SGCZ: variants seen among roughly 807,000 people sequenced by gnomAD.
SGCZ encodes the protein sarcoglycan zeta, also known as zeta-sarcoglycan.
A neutral mutation model predicts 41.3 loss-of-function variants in SGCZ; 40 were observed. The observed-to-expected ratio is 0.97, with a 90% CI of 0.75 to 1.26. SGCZ has a LOEUF of 1.26. SGCZ is among the 50% of genes most tolerant of loss of function. The probability of loss-of-function intolerance (pLI) is 0.00; values close to 1 mark genes in which losing one functional copy is unlikely to be tolerated. For synonymous variants in SGCZ, 206 were observed against 137.5 expected, an observed-to-expected ratio of 1.50 and a Z score of -3.49; for missense variants, 552 against 369.8, an observed-to-expected ratio of 1.49 and a Z score of -4.04.
intron 1 of SGCZ, among the ~76,000 whole-genome samples, chr8:14,799,666 G>C (rs1490011638): frequency 6.6e-6 from 1 of 150,934 alleles, no homozygotes; most frequent in Non-Finnish European, 1.5e-5. Flanking sequence ...GAAGGAGGGA[G>C]CGGCAAGGGC....
At chr8:14,233,046 G>C (rs7829353) in intron 4 of SGCZ, among the ~76,000 whole-genome samples, 2,651 of 151,920 alleles carry the variant, frequency 0.017, 86 homozygotes, top group African/African-American at 0.06. Flanking sequence ...AAAGTCATTG[G>C]GACTAGAATT....
intron 1 of SGCZ, among the ~76,000 whole-genome samples, chr8:15,175,124 A>G (rs981492886): frequency 2.6e-5 from 4 of 152,158 alleles, no homozygotes; most frequent in Admixed American, 6.5e-5. Context: ...TAAAAATTAA[A>G]AATAAATTTA....
intron 1 of SGCZ, among the ~76,000 whole-genome samples, chr8:14,808,842 GA>G (rs1213672651): frequency 1.3e-5 from 2 of 151,562 alleles, no homozygotes; most frequent in Non-Finnish European, 2.9e-5. Flanking sequence ...AATGTCCAAC[GA>G]TGATAGACTG....
At chr8:15,026,758 A>G (rs996953531) in intron 1 of SGCZ, among the ~76,000 whole-genome samples, 5 of 152,168 alleles carry the variant, frequency 3.3e-5, no homozygotes, top group African/African-American at 1.2e-4. Context: ...GCATTGCAGA[A>G]TTTCTCCATT....
intron 4 of SGCZ, among the ~76,000 whole-genome samples, chr8:14,217,783 C>T (rs1026080010): frequency 1.3e-5 from 2 of 151,796 alleles, no homozygotes; most frequent in South Asian, 2.1e-4. Flanking sequence ...GTGAACACCA[C>T]CACGCCCAGC....
intron 1 of SGCZ, among the ~76,000 whole-genome samples, chr8:15,222,450 A>T (rs1585689997): frequency 6.6e-6 from 1 of 152,290 alleles, no homozygotes; most frequent in Middle Eastern, 3.4e-3. Context: ...CTATGAAAAA[A>T]AAACACCCCT....
intron 2 of SGCZ, among the ~76,000 whole-genome samples, chr8:14,482,290 C>T (rs959911879): frequency 6.6e-5 from 10 of 152,148 alleles, no homozygotes; most frequent in Non-Finnish European, 1.5e-4. Context: ...TAAACCTGTG[C>T]AACACTTTCT....
chr8:14,399,277 G>T (rs946961112), intron 2 of SGCZ, among the ~76,000 whole-genome samples: 1 of 152,064 alleles, frequency 6.6e-6, no homozygotes, highest in Non-Finnish European at 1.5e-5. Context: ...AATAATCTGT[G>T]ACCATAATTG....
chr8:14,607,398 G>T (rs376745308), intron 1 of SGCZ, among the ~76,000 whole-genome samples: 11 of 152,034 alleles, frequency 7.2e-5, no homozygotes, highest in Non-Finnish European at 1.5e-4. Context: ...AGTGTCTGAT[G>T]GATTTCATGC....
At chr8:14,337,286 A>G (rs1392434370) in intron 2 of SGCZ, among the ~76,000 whole-genome samples, 2 of 152,134 alleles carry the variant, frequency 1.3e-5, no homozygotes, top group East Asian at 1.9e-4. Flanking sequence ...TAGTTGCAAC[A>G]CAAAGCTGTG....
Position 15,075,779 on chromosome 8 carries a change from A to G in SGCZ, c.39+161806T>C, listed in dbSNP as rs575028442. Among the ~76,000 whole-genome samples the G allele has an allele frequency of 4.6e-5, 7 of 152,318 alleles. No homozygotes were observed. The South Asian group carries it at 1.0e-3, about 23-fold the overall frequency. ...GACAAATCCTTCTAATTTTTCACAT[A>G]TATTGGTAATTTGAGACATTTTTCT... On this transcript the variant is annotated intron_variant, in intron 1 of 7. Transcript: ENST00000382080.
intron 1 of SGCZ, among the ~76,000 whole-genome samples, chr8:14,916,293 T>C (rs1425163658): frequency 6.6e-6 from 1 of 152,178 alleles, no homozygotes; most frequent in Non-Finnish European, 1.5e-5. Context: ...GCTGTGAAGA[T>C]TATATACATA....
At chr8:14,543,134 A>G (rs1194824876) in intron 2 of SGCZ, among the ~76,000 whole-genome samples, 1 of 151,948 alleles carries the variant, frequency 6.6e-6, no homozygotes, top group Non-Finnish European at 1.5e-5. Flanking sequence ...ATAATTATAT[A>G]TTACATGTAT....
chr8:15,174,205 C>A (rs4831326), intron 1 of SGCZ, among the ~76,000 whole-genome samples: 56,087 of 151,920 alleles, frequency 0.37, 11,666 homozygotes, highest in Non-Finnish European at 0.45. Context: ...ATAGGACTAG[C>A]GAAACTCACC....
chr8:14,500,162 T>C (rs1391969870), intron 2 of SGCZ, among the ~76,000 whole-genome samples: 1 of 152,146 alleles, frequency 6.6e-6, no homozygotes, highest in African/African-American at 2.4e-5. Context: ...TCTTGTTTCA[T>C]ACATACTTTG....
rs543589236 is a variant in SGCZ, at chr8:14,989,617, T to C, written c.39+247968A>G. Among the ~76,000 whole-genome samples the C allele has an allele frequency of 3.5e-4, 53 of 152,246 alleles. No homozygotes were observed. The South Asian group carries it at 3.9e-3, about 11-fold the overall frequency. ...TTCCTTTAAGGGAGCATGAATCATA[T>C]GAAAATCATAAAATGACTAAGGAAA... On this transcript the variant is annotated intron_variant, in intron 1 of 7. Coordinates refer to ENST00000382080, the MANE Select transcript of SGCZ (RefSeq NM_139167.4).
chr8:14,757,045 T>C (rs575523841), intron 1 of SGCZ, among the ~76,000 whole-genome samples: 1 of 152,290 alleles, frequency 6.6e-6, no homozygotes, highest in South Asian at 2.1e-4. Flanking sequence ...CCCACCAATA[T>C]GTCAACTTTT....
chr8:14,663,147 T>A (rs1339829300), intron 1 of SGCZ, among the ~76,000 whole-genome samples: 2 of 152,144 alleles, frequency 1.3e-5, no homozygotes, highest in African/African-American at 4.8e-5. Flanking sequence ...AACAAATTCT[T>A]GAAGGAACAA....
At chr8:14,832,190 TAGAA>T (rs1394069605) in intron 1 of SGCZ, among the ~76,000 whole-genome samples, 1 of 152,210 alleles carries the variant, frequency 6.6e-6, no homozygotes, top group Non-Finnish European at 1.5e-5. Context: ...TTCTTTTATT[TAGAA>T]GGATCACATT....
Sources: allele counts gnomAD v4.1 joint callset (sites outside exome capture counted in the v4.1 genomes callset), GRCh38; gene constraint gnomAD v4.1.1; transcripts MANE v1.5; gene names NCBI Gene and HGNC (gene_info 2026-07-23, HGNC 2026-07-21).